Variants in KRT76 observed in about 807,000 individuals in gnomAD.
KRT76 encodes keratin 76, also known as keratin, type II cytoskeletal 2 oral.
In KRT76, 47 loss-of-function variants were observed where a neutral mutation model predicts 44.9. The observed-to-expected ratio is 1.05, with a 90% CI of 0.83 to 1.33. The LOEUF is 1.33. Among genes scored for constraint, KRT76 ranks in the 40% most tolerant of loss-of-function variants. KRT76 has a pLI of 0.00. For synonymous variants in KRT76, 331 were observed against 294.1 expected (o/e 1.13, Z -1.28); for missense variants, 860 against 775.8 (o/e 1.11, Z -1.29).
chr12:52,776,942 C>A lies in KRT76; in HGVS notation c.350G>T (p.Gly117Val), dbSNP rs756017618. The A allele has an allele frequency of 6.2e-7, 1 of 1,613,888 alleles. No individual in the cohort carries two copies. The highest frequency in any genetic ancestry group is 1.7e-5 in the Admixed American group (1 of 59,998). Residue 117 changes from glycine to valine, a missense_variant, in exon 1 of 9, where the codon GGA (glycine) becomes GTA (valine). Physicochemically the swap from Gly to Val is moderately radical, Grantham distance 109 (BLOSUM62 -3). Coordinates refer to ENST00000332411, the MANE Select transcript of KRT76 (RefSeq NM_015848.4). ...GGGRGVGSGF[G>V]GAGGFGGAGG... ...AGCTCCACCAAAGCCACCAGCCCCT[C>A]CAAAACCACTACCTACTCCTCTGCC...
In KRT76 at chr12:52,769,543, A is replaced by G. The variant is rs979960268; in HGVS notation, c.1519+6T>C. 4 of 1,613,146 alleles carry G rather than the reference A, an allele frequency of 2.5e-6. No homozygotes were observed. Among genetic ancestry groups the G allele is most frequent in the Non-Finnish European group, 3.4e-6 (4 of 1,179,124 alleles). On this transcript the variant is annotated splice_donor_region_variant and intron_variant, in intron 8 of 8. Coordinates refer to ENST00000332411, the MANE Select transcript of KRT76 (RefSeq NM_015848.4). ...AGGGAGAGGGTTTTTTGAATGGGCT[A>G]CTTACAAATGCACACGGCACTCTGA...
chr12:52,769,849 C>T (rs1939152578), intron 7 of KRT76, among the ~76,000 whole-genome samples: 1 of 152,212 alleles, frequency 6.6e-6, no homozygotes, highest in Admixed American at 6.5e-5. Flanking sequence ...CCAGCTCTGC[C>T]TTGATTGGCC....
At chr12:52,773,196 G>T (rs1939212510) in intron 3 of KRT76, among the ~76,000 whole-genome samples, 1 of 152,098 alleles carries the variant, frequency 6.6e-6, no homozygotes, top group Non-Finnish European at 1.5e-5. Flanking sequence ...CCACCCTCCT[G>T]AACAGAAATT....
In KRT76 at chr12:52,772,101, T is replaced by C; in HGVS notation, c.1130A>G (p.Gln377Arg). ...RSKSEAEALYQTKLGELQTTA... is the reference protein window; with the variant it reads ...RSKSEAEALYRTKLGELQTTA... ...CACAGGGAGGGTTCCCACCTTGGTC[T>C]GGTACAGGGCCTCAGCTTCAGACTT... The change falls in exon 5 of 9, where the codon CAG becomes CGG. Residue 377 changes from glutamine to arginine, a missense_variant. Physicochemically the swap from Gln to Arg is conservative, Grantham distance 43. Transcript: ENST00000332411. The C allele has an allele frequency of 6.2e-7, 1 of 1,609,756 alleles. No individual in the cohort carries two copies. The highest frequency in any genetic ancestry group is 2.2e-5 in the East Asian group (1 of 44,842).
Position 52,771,035 on chromosome 12 carries a change from G to T in KRT76, c.1448C>A (p.Ala483Asp). ...TCCCTCCAGCAGCTTGCGGTAGGTG[G>T]CAATCTCCACATCCAGGGCCAGCTT... Reference protein sequence around the residue: ...NVKLALDVEIATYRKLLEGEE... With the variant: ...NVKLALDVEIDTYRKLLEGEE... The change falls in exon 7 of 9, where the codon GCC (alanine) becomes GAC (aspartate). Residue 483 changes from alanine (A) to aspartate (D), a missense_variant. Coordinates refer to ENST00000332411, the MANE Select transcript of KRT76 (RefSeq NM_015848.4). The T allele has an allele frequency of 6.2e-7, 1 of 1,614,120 alleles. No individual in the cohort carries two copies.
chr12:52,773,992 C>T (rs1053221689), intron 2 of KRT76, among the ~76,000 whole-genome samples: 1 of 152,094 alleles, frequency 6.6e-6, no homozygotes, highest in African/African-American at 2.4e-5. Flanking sequence ...CCACCACGTC[C>T]AGCCAATTTT....
Position 52,768,663 on chromosome 12 carries a change from A to G in KRT76, c.*50T>C, listed in dbSNP as rs151130764. 5.3e-4 allele frequency: 827 copies of G among 1,548,632 alleles called. 9 individuals are homozygous for G. The African/African-American group carries it at 0.01, about 19-fold the overall frequency. On this transcript the variant is annotated 3_prime_UTR_variant, in exon 9 of 9. Transcript: ENST00000332411. ...TGCCAAGCAGAGAGTGGGAAACACTATTGCAGGCTGAGTGGGAAGCAGGTG... is the reference window on the plus strand; with the variant it reads ...TGCCAAGCAGAGAGTGGGAAACACTGTTGCAGGCTGAGTGGGAAGCAGGTG...
intron 6 of KRT76, 51 bp from the exon 7 acceptor site, chr12:52,771,270 C>T: frequency 1.3e-6 from 2 of 1,550,534 alleles, no homozygotes; most frequent in Non-Finnish European, 1.8e-6. Flanking sequence ...ACACTTGATC[C>T]TTACTAGGAG....
intron 6 of KRT76, 36 bp from the exon 7 acceptor site, chr12:52,771,255 A>G: frequency 6.3e-7 from 1 of 1,592,796 alleles, no homozygotes; most frequent in African/African-American, 1.3e-5. Context: ...GTGACCCGGA[A>G]ACAAACACTT....
In KRT76 at chr12:52,775,447, C is replaced by T. The variant is rs1339317854; in HGVS notation, c.756G>A (p.Arg252=). 6 of 1,614,044 alleles carry T rather than the reference C, an allele frequency of 3.7e-6. No homozygotes were observed. Among genetic ancestry groups the T allele is most frequent in the Non-Finnish European group, 5.1e-6 (6 of 1,180,022 alleles). Residue 252 remains arginine (R), a synonymous_variant, in exon 2 of 9, where the codon AGG becomes AGA. Coordinates refer to ENST00000332411, the MANE Select transcript of KRT76 (RefSeq NM_015848.4). ...CKQLDSLLGE[R]GNLEGELKSM... ...TTTTCAGCTCTCCCTCCAGGTTCCCCCTCTCCCCTAGAAGTGAATCTAGCT... is the reference window on the plus strand; with the variant it reads ...TTTTCAGCTCTCCCTCCAGGTTCCCTCTCTCCCCTAGAAGTGAATCTAGCT...
At chr12:52,775,246 T>G in intron 2 of KRT76, 142 bp downstream of exon 2, 1 of 748,792 alleles carries the variant, frequency 1.3e-6, no homozygotes, top group Non-Finnish European at 2.2e-6. Flanking sequence ...TTCACCCCCT[T>G]CTGCTTTGTC....
chr12:52,771,804 G>C, intron 6 of KRT76, 67 bp downstream of exon 6: 1 of 1,555,402 alleles, frequency 6.4e-7, no homozygotes, highest in Non-Finnish European at 8.7e-7. Context: ...CAGAGGAGCA[G>C]AGCTTATGCT....
intron 2 of KRT76, among the ~76,000 whole-genome samples, chr12:52,774,738 A>G (rs1939234125): frequency 6.6e-6 from 1 of 152,170 alleles, no homozygotes; most frequent in Non-Finnish European, 1.5e-5. Context: ...GTTGAATTGG[A>G]ATAGGGCCTC....
intron 7 of KRT76, 142 bp from the exon 8 acceptor site, chr12:52,769,725 C>T: frequency 1.4e-6 from 1 of 706,512 alleles, no homozygotes; most frequent in Non-Finnish European, 2.5e-6. Context: ...TATTCCAAGT[C>T]TGTTTCCATG....
chr12:52,770,951 G>A (rs900760137), intron 7 of KRT76, 48 bp downstream of exon 7: 7 of 1,610,642 alleles, frequency 4.3e-6, no homozygotes, highest in African/African-American at 1.3e-5. Context: ...ATTATCAAAG[G>A]TCACTCTAAA....
rs769217983 is a variant in KRT76 at position 52,773,617 on chromosome 12, T to C, written c.841A>G (p.Thr281Ala). ...KKYEDEINKR[T>A]AAENEFVGLK... is the part of the protein sequence containing the mutation. ...CCCACAAACTCATTCTCTGCGGCAGTGCGTTTGTTGATTTCATCTTCATAC... is the reference window on the plus strand; with the variant it reads ...CCCACAAACTCATTCTCTGCGGCAGCGCGTTTGTTGATTTCATCTTCATAC... The change falls in exon 3 of 9, where the codon ACT becomes GCT. Residue 281 changes from threonine to alanine, a missense_variant. By Grantham distance (58) the Thr-to-Ala change is moderately conservative (BLOSUM62 0). Transcript: ENST00000332411. The C allele has an allele frequency of 3.7e-6, 6 of 1,613,298 alleles. No homozygotes were observed. The highest frequency in any genetic ancestry group is 4.2e-6 in the Non-Finnish European group (5 of 1,179,524).
intron 2 of KRT76, among the ~76,000 whole-genome samples, chr12:52,774,982 T>C (rs542979306): frequency 1.3e-5 from 2 of 152,262 alleles, no homozygotes; most frequent in African/African-American, 4.8e-5. Context: ...CCCCAGGAGC[T>C]AGGGGAACAC....
Position 52,777,131 on chromosome 12 carries a change from C to T in KRT76, c.161G>A (p.Gly54Asp), listed in dbSNP as rs2121200216. Residue 54 changes from glycine to aspartate, a missense_variant, in exon 1 of 9, where the codon GGC becomes GAC. Gly to Asp is a moderately conservative substitution (Grantham distance 94, BLOSUM62 -1). Transcript: ENST00000332411. ...GCCCAGGTTGTAGAGGCTGCGACTG[C>T]CAAAGCTGCCTGCTCCGCTCCTGAA... ...CGFRSGAGSF[G>D]SRSLYNLGSN... The T allele has an allele frequency of 6.2e-7, 1 of 1,614,224 alleles. No homozygotes were observed. The highest frequency in any genetic ancestry group is 1.6e-4 in the Middle Eastern group (1 of 6,062).
rs1939128555 is a variant in KRT76 at position 52,768,712 on chromosome 12, A to G, written c.*1T>C. 1 of 1,588,758 alleles carries G rather than the reference A, an allele frequency of 6.3e-7. No homozygotes were observed. The highest frequency in any genetic ancestry group is 1.7e-5 in the Admixed American group (1 of 59,336). On this transcript the variant is annotated 3_prime_UTR_variant, in exon 9 of 9. Transcript: ENST00000332411. ...TGGTTATAGAGATTTGGAACAGTAG[A>G]TCACTTGGTGGAGCTATGCTGGCTT...
Sources: gnomAD v4.1 joint callset for allele counts (sites outside exome capture counted in the v4.1 genomes callset) on GRCh38, gnomAD v4.1.1 for gene constraint, MANE v1.5 for transcripts, NCBI Gene and HGNC (gene_info 2026-07-23, HGNC 2026-07-21) for gene names.